IGSF9B: variants seen among roughly 807,000 people sequenced by gnomAD.
IGSF9B encodes the protein protein turtle homolog B.
In IGSF9B, 48 loss-of-function variants were observed where a neutral mutation model predicts 143.7. That is an observed-to-expected ratio of 0.33 (90% CI 0.26 to 0.42). The LOEUF is 0.42. Among genes scored for constraint, IGSF9B ranks in the 20% least tolerant of loss-of-function variants. The pLI is 1.00. For missense variants in IGSF9B, 1,706 were observed against 1,980.0 expected (o/e 0.86, Z 2.63); for synonymous variants, 903 against 833.1 (o/e 1.08, Z -1.44).
intron 3 of IGSF9B, among the ~76,000 whole-genome samples, chr11:133,940,043 T>TGTCCTCGCAC (rs1565443770): frequency 8.9e-6 from 1 of 112,516 alleles, no homozygotes; most frequent in Non-Finnish European, 1.8e-5. Context: ...ACACCTCGCA[T>TGTCCTCGCAC]GTCCTCGCAC....
In IGSF9B at chr11:133,903,412, C is replaced by T. The variant is rs1285557570; in HGVS notation, c.*5657G>A. Among the ~76,000 whole-genome samples the T allele has an allele frequency of 1.3e-5, 2 of 152,186 alleles. No individual in the cohort carries two copies. The highest frequency in any genetic ancestry group is 4.8e-5 in the African/African-American group (2 of 41,432). ...AAGCCGGTAGCTTTTCACCAGCTCT[C>T]GTCCGAAACCCTAACTACTACTACT... is the stretch of plus-strand genomic sequence containing the variant. On this transcript the variant is annotated 3_prime_UTR_variant, in exon 20 of 20. Transcript: ENST00000533871.
chr11:133,935,818 G>A (rs1939812612), intron 6 of IGSF9B, 56 bp from the exon 7 acceptor site: 2 of 1,581,978 alleles, frequency 1.3e-6, no homozygotes, highest in African/African-American at 2.7e-5. Context: ...TCTTGCCGCA[G>A]ACACACAGTC....
chr11:133,953,930 C>CA lies in IGSF9B; in HGVS notation c.64+2760dup, dbSNP rs1263492773. Among the ~76,000 whole-genome samples, 1 of 152,206 alleles carries CA rather than the reference C, an allele frequency of 6.6e-6. No individual in the cohort carries two copies. The highest frequency in any genetic ancestry group is 1.5e-5 in the Non-Finnish European group (1 of 68,038). On this transcript the variant is annotated intron_variant, in intron 1 of 19. Transcript: ENST00000533871. This position sits in a 1 kb window ranked among gnomAD's most constrained non-coding sequence, Gnocchi z 4.2. ...TAATCACCTCCCAGGCACACACACT[C>CA]AAAGTCAAAAGGAGGAGCCCATTCC...
At chr11:133,954,273 C>G (rs1392373375) in intron 1 of IGSF9B, among the ~76,000 whole-genome samples, 1 of 151,936 alleles carries the variant, frequency 6.6e-6, no homozygotes, top group Non-Finnish European at 1.5e-5. Context: ...TGGCCACCAA[C>G]AACACTCCAG....
intron 18 of IGSF9B, among the ~76,000 whole-genome samples, chr11:133,918,453 A>G (rs1470687039): frequency 6.6e-6 from 1 of 152,086 alleles, no homozygotes. Context: ...GGAGACCCAG[A>G]CACGATGGAA....
At position 133,897,398 on chromosome 11, in the gene IGSF9B, A is replaced by T. The variant is rs1939038351; in HGVS notation, c.*11671T>A. The T allele has an allele frequency of 6.6e-6, 1 of 152,114 alleles. No individual in the cohort carries two copies. Among genetic ancestry groups the T allele is most frequent in the African/African-American group, 2.4e-5 (1 of 41,400 alleles). The allele number at this position is 152,114 out of a possible 1,614,324, so 9.4% of individuals were successfully genotyped here. Reference sequence around the variant, plus strand: ...CACACACGCACAGGTATGCACACATATATATGCAGGTGCGCGCACACACAC... The same window carrying T: ...CACACACGCACAGGTATGCACACATTTATATGCAGGTGCGCGCACACACAC... On this transcript the variant is annotated 3_prime_UTR_variant, in exon 20 of 20. Coordinates refer to ENST00000533871, the MANE Select transcript of IGSF9B (RefSeq NM_001277285.4).
intron 5 of IGSF9B, 95 bp downstream of exon 5, chr11:133,937,281 C>T: frequency 1.1e-6 from 1 of 873,000 alleles, no homozygotes; most frequent in Non-Finnish European, 1.8e-6. Context: ...CCACTAGCCC[C>T]AGCTGAGCCC....
chr11:133,916,453 A>T (rs1045762731), intron 18 of IGSF9B, among the ~76,000 whole-genome samples: 1 of 152,178 alleles, frequency 6.6e-6, no homozygotes, highest in African/African-American at 2.4e-5. Context: ...ATCTGAACAG[A>T]GCCTGCATCT....
chr11:133,939,827 A>C (rs1341940275), intron 3 of IGSF9B, among the ~76,000 whole-genome samples: 1 of 151,294 alleles, frequency 6.6e-6, no homozygotes, highest in Non-Finnish European at 1.5e-5. Context: ...TACACCTTGC[A>C]TGTCCTCGCA....
chr11:133,909,780 C>T lies in IGSF9B; in HGVS notation c.4106-503G>A, dbSNP rs958731907. Among the ~76,000 whole-genome samples the T allele has an allele frequency of 5.9e-5, 9 of 152,230 alleles. No individual in the cohort carries two copies. Among genetic ancestry groups the T allele is most frequent in the Non-Finnish European group, 1.0e-4 (7 of 68,036 alleles). ...CCCTTCTGGAGATTAATCAGGAATG[C>T]CTTTGCTAGCTTCAAAGACTATGCA... On this transcript the variant is annotated intron_variant, in intron 19 of 19. Coordinates refer to ENST00000533871, the MANE Select transcript of IGSF9B (RefSeq NM_001277285.4). This position sits in a 1 kb window ranked among gnomAD's most constrained non-coding sequence, Gnocchi z 4.2.
intron 13 of IGSF9B, 75 bp from the exon 14 acceptor site, chr11:133,926,040 G>T: frequency 9.2e-7 from 1 of 1,090,548 alleles, no homozygotes; most frequent in Non-Finnish European, 1.4e-6. Flanking sequence ...CCACACTCCT[G>T]TGCACATGTC....
intron 7 of IGSF9B, among the ~76,000 whole-genome samples, chr11:133,935,122 G>A (rs908154648): frequency 3.3e-5 from 5 of 152,206 alleles, no homozygotes; most frequent in African/African-American, 4.8e-5. Context: ...GGGAGAGGCC[G>A]CGGACGCCAG....
At chr11:133,918,947 G>C (rs1476890249) in intron 18 of IGSF9B, 1 of 466,008 alleles carries the variant, frequency 2.1e-6, no homozygotes, top group Non-Finnish European at 4.4e-6. Flanking sequence ...AGGAGGGGCA[G>C]GGGGAGGAGG....
chr11:133,952,039 G>T, intron 1 of IGSF9B: 1 of 455,714 alleles, frequency 2.2e-6, no homozygotes, highest in Non-Finnish European at 4.4e-6. Flanking sequence ...AAGCCAGGCT[G>T]AGCGGGACCT....
Position 133,928,247 on chromosome 11 carries a change from G to T in IGSF9B, c.1632-1156C>A, listed in dbSNP as rs1027517420. Among the ~76,000 whole-genome samples, 5 of 152,102 alleles carry T rather than the reference G, an allele frequency of 3.3e-5. No homozygotes were observed. The highest frequency in any genetic ancestry group is 7.4e-5 in the Non-Finnish European group (5 of 68,022). ...GGACACCTAGGCGCTGAGCAGCACC[G>T]GTCTCCCAGCAGCCACCGGGCAGGC... On this transcript the variant is annotated intron_variant, in intron 12 of 19. Transcript: ENST00000533871. This position sits in a 1 kb window ranked among gnomAD's most constrained non-coding sequence, Gnocchi z 4.7.
At position 133,935,781 on chromosome 11, in the gene IGSF9B, A is replaced by G; in HGVS notation, c.822-19T>C. 6.2e-7 allele frequency: 1 copy of G among 1,608,384 alleles called. No homozygotes were observed. Among genetic ancestry groups the G allele is most frequent in the Non-Finnish European group, 8.5e-7 (1 of 1,178,476 alleles). On this transcript the variant is annotated intron_variant, in intron 6 of 19. Transcript: ENST00000533871. ...CAGGTCGCTGCAAAGCGGCATGGGG[A>G]CAGGGGGTTGGGCGAGCAGAAGGGG...
intron 14 of IGSF9B, among the ~76,000 whole-genome samples, chr11:133,925,209 A>G (rs764521710): frequency 6.6e-6 from 1 of 152,252 alleles, no homozygotes; most frequent in Non-Finnish European, 1.5e-5. Flanking sequence ...ATAAGTGTCC[A>G]GGAAGGAAGA....
At position 133,936,311 on chromosome 11, in the gene IGSF9B, C is replaced by T. The variant is rs908489912; in HGVS notation, c.680-117G>A. 51 of 884,778 alleles carry T rather than the reference C, an allele frequency of 5.8e-5. No homozygotes were observed. In the South Asian group the frequency reaches 5.8e-4, roughly 10 times the overall value. The allele number at this position is 884,778 out of a possible 1,614,324, so 54.8% of individuals were successfully genotyped here. On this transcript the variant is annotated intron_variant, in intron 5 of 19. Transcript: ENST00000533871. Reference sequence around the variant, plus strand: ...GGTGCCCTGAACACTGCGATGGGGGCGGCTGTCATGGAGACACTTCCAGAT... The same window carrying T: ...GGTGCCCTGAACACTGCGATGGGGGTGGCTGTCATGGAGACACTTCCAGAT...
Position 133,925,761 on chromosome 11 carries a change from A to C in IGSF9B, c.2012T>G (p.Phe671Cys). Residue 671 changes from phenylalanine (F) to cysteine (C), a missense_variant, in exon 14 of 20, where the codon TTC becomes TGC. Physicochemically the swap from Phe to Cys is radical, Grantham distance 205 (BLOSUM62 -2). Around this residue, in one of 7 missense-constraint regions of IGSF9B, gnomAD observed 267 missense variants for 321.1 expected, o/e 0.83. Transcript: ENST00000533871. ...CACCTGTGACAGATCCTTGGCAAAG[A>C]ACTCTCCTTCGGTGCCGGGGATGCC... Reference protein sequence around the residue: ...DDGIPGTEGEFFAKDLSQDTW... With the variant: ...DDGIPGTEGECFAKDLSQDTW... 6.2e-7 allele frequency: 1 copy of C among 1,613,608 alleles called. No individual in the cohort carries two copies. The highest frequency in any genetic ancestry group is 8.5e-7 in the Non-Finnish European group (1 of 1,179,768).
Sources: gnomAD v4.1 joint callset for allele counts (sites outside exome capture counted in the v4.1 genomes callset) on GRCh38, gnomAD v4.1.1 for gene constraint, gnomAD v4.1.1 regional missense constraint, Gnocchi (gnomAD v3.1) non-coding constraint, MANE v1.5 for transcripts, NCBI Gene and HGNC (gene_info 2026-07-23, HGNC 2026-07-21) for gene names.